Variants in RNF103 observed in about 807,000 individuals in gnomAD.
The protein encoded by RNF103 is ring finger protein 103, also known as E3 ubiquitin-protein ligase RNF103.
In RNF103, 23 loss-of-function variants were observed where a neutral mutation model predicts 66.2. The observed-to-expected ratio is 0.35, with a 90% CI of 0.25 to 0.49. The LOEUF (loss-of-function observed/expected upper bound fraction) is 0.49. Among genes scored for constraint, RNF103 ranks in the 20% least tolerant of loss-of-function variants. The probability of loss-of-function intolerance (pLI) is 0.98; values close to 1 mark genes in which losing one functional copy is unlikely to be tolerated. For synonymous variants in RNF103, 297 were observed against 289.9 expected (o/e 1.02, Z -0.25); for missense variants, 730 against 814.7 (o/e 0.90, Z 1.27).
At chr2:86,619,639 T>G (rs1324354968) in intron 2 of RNF103, among the ~76,000 whole-genome samples, 1 of 152,214 alleles carries the variant, frequency 6.6e-6, no homozygotes, top group East Asian at 1.9e-4. Context: ...AAATTTATGT[T>G]AATATAATTT....
intron 2 of RNF103, chr2:86,617,731 C>G (rs1679079941): frequency 2.0e-6 from 2 of 1,006,010 alleles, no homozygotes; most frequent in Middle Eastern, 5.1e-4. Context: ...GAATGGCAAG[C>G]AATGGAGACA....
Position 86,612,243 on chromosome 2 carries a change from CCCA to C in RNF103, c.395_397del (p.Val132del). ...AACCATTTTCTCCCAGTGAATTTTG[CCCA>C]CCAAGGGACTTCTGTCATTTGCTAT... On this transcript the variant is annotated inframe_deletion, in exon 3 of 4. Transcript: ENST00000237455. 6.2e-7 allele frequency: 1 copy of C among 1,613,114 alleles called. No individual in the cohort carries two copies. The highest frequency in any genetic ancestry group is 8.5e-7 in the Non-Finnish European group (1 of 1,179,506).
At chr2:86,616,758 C>G (rs1679039644) in intron 2 of RNF103, 1 of 985,296 alleles carries the variant, frequency 1.0e-6, no homozygotes, top group Admixed American at 6.1e-5. Flanking sequence ...TGATGTAACA[C>G]AGCCAGTAGG....
In RNF103 at chr2:86,603,823, A is replaced by G. The variant is rs367610455; in HGVS notation, c.*20T>C. ...AAGCTGTAAGATACTCAAAGCTTAT[A>G]AAGGACAAATTGCACATGGTTAAGA... On this transcript the variant is annotated 3_prime_UTR_variant, in exon 4 of 4. Coordinates refer to ENST00000237455, the MANE Select transcript of RNF103 (RefSeq NM_005667.4). The G allele has an allele frequency of 3.9e-4, 614 of 1,586,284 alleles. 1 individual carries two copies. The highest frequency in any genetic ancestry group is 4.0e-4 in the Non-Finnish European group (464 of 1,168,550).
chr2:86,620,420 T>C lies in RNF103; in HGVS notation c.276A>G (p.Ala92=), dbSNP rs1679184752. 6.2e-7 allele frequency: 1 copy of C among 1,605,910 alleles called. No individual in the cohort carries two copies. Among genetic ancestry groups the C allele is most frequent in the Non-Finnish European group, 8.5e-7 (1 of 1,173,962 alleles). ...AATTGGTACTAGAAACCGATTCGGA[T>C]GCTTCTTCTTCCTTGAGAGCAGAAT... The part of the protein sequence containing the change: ...ELYSALKEEE[A]SESVSSTNFS... The change falls in exon 2 of 4, where the codon GCA becomes GCG. Residue 92 remains alanine (A), a synonymous_variant. Transcript: ENST00000237455.
Position 86,612,209 on chromosome 2 carries a change from C to T in RNF103, c.432G>A (p.Val144=), listed in dbSNP as rs779213313. Residue 144 remains valine (V), a synonymous_variant, in exon 3 of 4, where the codon GTG becomes GTA. Transcript: ENST00000237455. ...KIHWEKMVKK[V]SRFGIRTGTF... ...TGCCTGTACGTATTCCAAATCTTGA[C>T]ACCTTTTTAACCATTTTCTCCCAGT... The T allele has an allele frequency of 5.9e-5, 96 of 1,613,738 alleles. No homozygotes were observed. The highest frequency in any genetic ancestry group is 7.5e-5 in the Non-Finnish European group (89 of 1,179,904).
At chr2:86,606,662 CAAAAAAAAAAAA>C (rs200897796) in intron 3 of RNF103, among the ~76,000 whole-genome samples, 3 of 97,420 alleles carry the variant, frequency 3.1e-5, no homozygotes, top group African/African-American at 4.8e-5. Flanking sequence ...AACTTCGTCT[CAAAAAAAAAAAA>C]AAAAAAAAAA....
In RNF103 at chr2:86,623,806, G is replaced by C. The variant is rs761133401; in HGVS notation, c.-920C>G. On this transcript the variant is annotated 5_prime_UTR_variant, in exon 1 of 4. Coordinates refer to ENST00000237455, the MANE Select transcript of RNF103 (RefSeq NM_005667.4). ...AACACCCCCGCCACCTCCGGAGACCGCGGCCGTACCCTCCACAACCGTGTA... is the reference window on the plus strand; with the variant it reads ...AACACCCCCGCCACCTCCGGAGACCCCGGCCGTACCCTCCACAACCGTGTA... 2 of 1,282,646 alleles carry C rather than the reference G, an allele frequency of 1.6e-6. No individual in the cohort carries two copies. The highest frequency in any genetic ancestry group is 2.0e-6 in the Non-Finnish European group (2 of 986,340). 79.5% of individuals were successfully genotyped at this position (1,282,646 alleles called of 1,614,324 possible).
chr2:86,617,091 A>G, intron 2 of RNF103: 2 of 985,248 alleles, frequency 2.0e-6, no homozygotes, highest in Non-Finnish European at 2.4e-6. Context: ...TTGGTTCTAC[A>G]TGTATTTCAT....
chr2:86,617,075 G>A, intron 2 of RNF103: 1 of 985,350 alleles, frequency 1.0e-6, no homozygotes, highest in Non-Finnish European at 1.2e-6. Context: ...TTAGAAAAAA[G>A]AGCACTTGGT....
At chr2:86,622,598 C>T in intron 1 of RNF103, 63 bp downstream of exon 1, 1 of 1,520,112 alleles carries the variant, frequency 6.6e-7, no homozygotes, top group Non-Finnish European at 9.1e-7. Flanking sequence ...AGCCAGGTAC[C>T]AGGAGGTACA....
intron 2 of RNF103, chr2:86,613,140 G>A (rs1260894756): frequency 1.3e-5 from 2 of 152,256 alleles, no homozygotes; most frequent in Non-Finnish European, 1.5e-5. Context: ...GGCACCTATA[G>A]TCCCAGCTGC....
intron 2 of RNF103, chr2:86,613,939 T>C (rs1678908032): frequency 6.6e-6 from 1 of 151,412 alleles, no homozygotes; most frequent in Non-Finnish European, 1.5e-5. Flanking sequence ...GATATTACAT[T>C]TTTTTTTAAG....
At position 86,612,283 on chromosome 2, in the gene RNF103, A is replaced by C. The variant is rs1678827920; in HGVS notation, c.367-9T>G. ...CTGTCATTTGCTATGACCTATTCCC[A>C]AAAATAGAGAAAAAGAAACTTGAAT... On this transcript the variant is annotated splice_polypyrimidine_tract_variant and intron_variant, in intron 2 of 3. Coordinates refer to ENST00000237455, the MANE Select transcript of RNF103 (RefSeq NM_005667.4). The C allele has an allele frequency of 6.5e-7, 1 of 1,529,576 alleles. No homozygotes were observed. Among genetic ancestry groups the C allele is most frequent in the African/African-American group, 1.4e-5 (1 of 72,102 alleles). 94.8% of individuals were successfully genotyped at this position (1,529,576 alleles called of 1,614,324 possible).
Position 86,603,940 on chromosome 2 carries a change from C to G in RNF103, c.1961G>C (p.Gly654Ala). 6.2e-7 allele frequency: 1 copy of G among 1,614,116 alleles called. No homozygotes were observed. Among genetic ancestry groups the G allele is most frequent in the Non-Finnish European group, 8.5e-7 (1 of 1,180,016 alleles). The change falls in exon 4 of 4, where the codon GGG becomes GCG. Residue 654 changes from glycine to alanine, a missense_variant. Physicochemically the swap from Gly to Ala is moderately conservative, Grantham distance 60. Coordinates refer to ENST00000237455, the MANE Select transcript of RNF103 (RefSeq NM_005667.4). ...GCAAACAGGGCAACAATGTCGGCCC[C>G]CAGCCAACCACATCACAATGCAATT... ...HQNCIVMWLA[G>A]GRHCCPVCRW...
Position 86,603,939 on chromosome 2 carries a change from C to G in RNF103, c.1962G>C (p.Gly654=). ...HQNCIVMWLA[G]GRHCCPVCRW... ...GGCAAACAGGGCAACAATGTCGGCC[C>G]CCAGCCAACCACATCACAATGCAAT... Residue 654 remains glycine, a synonymous_variant, in exon 4 of 4, where the codon GGG becomes GGC. Transcript: ENST00000237455. The G allele has an allele frequency of 6.2e-7, 1 of 1,614,076 alleles. No individual in the cohort carries two copies. Among genetic ancestry groups the G allele is most frequent in the African/African-American group, 1.3e-5 (1 of 74,988 alleles).
rs746145580 is a variant in RNF103, at chr2:86,605,447, G to C, written c.483-29C>G. On this transcript the variant is annotated intron_variant, in intron 3 of 3. Transcript: ENST00000237455. ...CAAGAGAGGAAACTGTAAATAAACA[G>C]CTAGGCTGTAATGCAAACAATTTAT... 1.2e-5 allele frequency: 18 copies of C among 1,555,922 alleles called. No homozygotes were observed. The South Asian group carries it at 2.1e-4, about 18-fold the overall frequency.
intron 2 of RNF103, among the ~76,000 whole-genome samples, chr2:86,616,241 G>A (rs1037643078): frequency 1.1e-4 from 17 of 152,066 alleles, no homozygotes; most frequent in Non-Finnish European, 5.9e-5. Flanking sequence ...TCCATACAAC[G>A]ACATCCAGGT....
chr2:86,605,698 C>T (rs954122563), intron 3 of RNF103, among the ~76,000 whole-genome samples: 16 of 151,994 alleles, frequency 1.1e-4, no homozygotes, highest in South Asian at 6.2e-4. Context: ...CCTACAACTG[C>T]GTTATGTGCT....
Sources: allele counts gnomAD v4.1 joint callset (sites outside exome capture counted in the v4.1 genomes callset), GRCh38; gene constraint gnomAD v4.1.1; transcripts MANE v1.5; gene names NCBI Gene and HGNC (gene_info 2026-07-23, HGNC 2026-07-21).